The following CEP63 variants were observed in gnomAD, a reference collection of about 807,000 sequenced individuals.
CEP63 encodes centrosomal protein of 63 kDa.
Under a neutral mutation model 89.1 loss-of-function variants are expected in CEP63, and 84 were observed. That is an observed-to-expected ratio of 0.94 (90% CI 0.79 to 1.13). CEP63 has a LOEUF of 1.13. Ranked by LOEUF, CEP63 falls within the 50% of genes most tolerant of loss-of-function variation. The pLI, the probability that CEP63 is intolerant of heterozygous loss-of-function variation, is 0.00. For missense variants in CEP63, 838 were observed against 813.3 expected, an observed-to-expected ratio of 1.03 and a Z score of -0.37; for synonymous variants, 267 against 272.5, an observed-to-expected ratio of 0.98 and a Z score of 0.20.
intron 2 of CEP63, among the ~76,000 whole-genome samples, chr3:134,503,430 A>G (rs1217120046): frequency 6.6e-6 from 1 of 152,028 alleles, no homozygotes; most frequent in East Asian, 1.9e-4. Flanking sequence ...TTGTGGCCTA[A>G]CATATGGTCT....
chr3:134,778,433 A>G, the CEP63 span, among the ~76,000 whole-genome samples: 2 of 152,128 alleles, frequency 1.3e-5, no homozygotes, highest in Non-Finnish European at 1.5e-5. Flanking sequence ...GATATTTGAT[A>G]GTATGGCTGA....
chr3:134,582,823 C>T (rs933846149), intron 10 of CEP63, among the ~76,000 whole-genome samples: 7 of 152,216 alleles, frequency 4.6e-5, no homozygotes, highest in African/African-American at 1.7e-4. Flanking sequence ...TATTTCTCCA[C>T]ATCCTCTCCA....
the CEP63 span, chr3:134,603,969 C>T: frequency 3.8e-4 from 621 of 1,613,958 alleles, 1 homozygote; most frequent in African/African-American, 7.7e-3. Context: ...TGAGGGCAAA[C>T]TTGCCTGCAT....
chr3:134,565,794 A>T (rs1957730538), downstream of CEP63, among the ~76,000 whole-genome samples: 2 of 151,842 alleles, frequency 1.3e-5, no homozygotes, highest in African/African-American at 2.4e-5. Flanking sequence ...AAAAAAAATC[A>T]TAGACTTAAG....
chr3:134,599,152 T>C, the CEP63 span, among the ~76,000 whole-genome samples: 1 of 152,164 alleles, frequency 6.6e-6, no homozygotes, highest in Non-Finnish European at 1.5e-5. Flanking sequence ...TCACAAACTC[T>C]CCGGACTGGA....
At chr3:134,721,645 T>C in the CEP63 span, among the ~76,000 whole-genome samples, 1 of 152,158 alleles carries the variant, frequency 6.6e-6, no homozygotes, top group East Asian at 1.9e-4. Context: ...GGAAATTCCC[T>C]TATGTTTCTA....
rs1377159377 is a variant in CEP63, at chr3:134,564,860, A to C, written c.*3325A>C. 1.0e-6 allele frequency: 1 copy of C among 985,162 alleles called. No individual in the cohort carries two copies. Among genetic ancestry groups the C allele is most frequent in the Non-Finnish European group, 1.2e-6 (1 of 829,800 alleles). The allele number at this position is 985,162 out of a possible 1,614,324, so 61.0% of individuals were successfully genotyped here. ...ACTCTGTAGTCACCGGAAATACTTA[A>C]GGAATCATGAGGTACTATGTATTTC... On this transcript the variant is annotated 3_prime_UTR_variant, in exon 15 of 15. Transcript: ENST00000675561.
At chr3:134,576,875 C>T (rs569613539), downstream of CEP63, among the ~76,000 whole-genome samples, 1 of 152,316 alleles carries the variant, frequency 6.6e-6, no homozygotes, top group South Asian at 2.1e-4. Flanking sequence ...TCCCTGTGTT[C>T]ACGGGCTTCT....
chr3:134,558,481 G>A (rs1577414626), intron 13 of CEP63, 134 bp downstream of exon 13: 3 of 706,486 alleles, frequency 4.2e-6, no homozygotes, highest in East Asian at 2.7e-5. Flanking sequence ...AGTATAGTGT[G>A]CACAAGTAAA....
chr3:134,537,869 G>T (rs894524042), intron 6 of CEP63, among the ~76,000 whole-genome samples: 1 of 152,216 alleles, frequency 6.6e-6, no homozygotes, highest in East Asian at 1.9e-4. Flanking sequence ...CCAACTAAAA[G>T]TGGTGTCTTT....
chr3:134,591,685 A>G (rs1303403664), downstream of CEP63, among the ~76,000 whole-genome samples: 1 of 151,718 alleles, frequency 6.6e-6, no homozygotes, highest in African/African-American at 2.4e-5. Context: ...GTGAGACACC[A>G]TCTCTACAAA....
At chr3:134,679,653 T>C in the CEP63 span, among the ~76,000 whole-genome samples, 3 of 152,230 alleles carry the variant, frequency 2.0e-5, no homozygotes, top group African/African-American at 7.2e-5. Flanking sequence ...TTTGGAGATA[T>C]GGTCTTTAAA....
the CEP63 span, chr3:134,608,230 G>A: frequency 1.7e-6 from 2 of 1,189,306 alleles, no homozygotes; most frequent in Non-Finnish European, 1.1e-6. Context: ...GGGGACCTGA[G>A]CCCAGAGGCT....
chr3:134,698,214 C>G, the CEP63 span, among the ~76,000 whole-genome samples: 1 of 152,156 alleles, frequency 6.6e-6, no homozygotes, highest in Non-Finnish European at 1.5e-5. Context: ...CAGAGATTCC[C>G]AAAGCAGCTA....
chr3:134,673,693 T>C, the CEP63 span, among the ~76,000 whole-genome samples: 7 of 152,092 alleles, frequency 4.6e-5, no homozygotes, highest in Admixed American at 1.3e-4. Context: ...ATCCCTTTCC[T>C]TCTGAGTCCT....
At chr3:134,492,652 A>G (rs926623614) in intron 1 of CEP63, among the ~76,000 whole-genome samples, 2 of 147,310 alleles carry the variant, frequency 1.4e-5, no homozygotes, top group African/African-American at 5.0e-5. Flanking sequence ...TTATGTGACT[A>G]TTTCATTATT....
the CEP63 span, among the ~76,000 whole-genome samples, chr3:134,685,204 T>A: frequency 6.6e-6 from 1 of 152,176 alleles, no homozygotes; most frequent in Non-Finnish European, 1.5e-5. Flanking sequence ...ATGCCAAACA[T>A]CTTATTCATA....
the CEP63 span, among the ~76,000 whole-genome samples, chr3:134,736,272 G>A: frequency 5.9e-5 from 9 of 152,108 alleles, no homozygotes; most frequent in South Asian, 8.3e-4. Flanking sequence ...AACATTAGAA[G>A]CAATACATTT....
the CEP63 span, among the ~76,000 whole-genome samples, chr3:134,716,737 C>A: frequency 6.6e-6 from 1 of 152,212 alleles, no homozygotes; most frequent in Non-Finnish European, 1.5e-5. Context: ...GCCACCCCCC[C>A]AATCCAGCCT....
Sources: gnomAD v4.1 joint callset for allele counts (sites outside exome capture counted in the v4.1 genomes callset) on GRCh38, gnomAD v4.1.1 for gene constraint, MANE v1.5 for transcripts, NCBI Gene and HGNC (gene_info 2026-07-23, HGNC 2026-07-21) for gene names.